ADGRG6: variants seen among roughly 807,000 people sequenced by gnomAD.
ADGRG6 encodes adhesion G protein-coupled receptor G6, also known as G-protein coupled receptor 126.
A neutral mutation model predicts 142.4 loss-of-function variants in ADGRG6; 84 were observed. The ratio of observed to expected loss-of-function variants is 0.59; its 90% CI spans 0.49 to 0.71. ADGRG6 has a LOEUF of 0.71. Among genes scored for constraint, ADGRG6 ranks in the 30% least tolerant of loss-of-function variants. ADGRG6 has a pLI of 0.00. For synonymous variants in ADGRG6, 521 were observed against 520.5 expected (o/e 1.00, Z -0.01); for missense variants, 1,367 against 1,466.6 (o/e 0.93, Z 1.11).
chr6:142,402,931 A>G (rs1583099617), intron 13 of ADGRG6, 101 bp downstream of exon 13: 3 of 632,914 alleles, frequency 4.7e-6, no homozygotes, highest in East Asian at 5.6e-5. Context: ...TCAGAATTCA[A>G]ATCTCTGCAA....
intron 2 of ADGRG6, among the ~76,000 whole-genome samples, chr6:142,365,769 G>A (rs761899758): frequency 2.6e-5 from 4 of 152,084 alleles, no homozygotes; most frequent in African/African-American, 4.8e-5. Context: ...AATACAAGGT[G>A]GCCAAAGAGA....
intron 2 of ADGRG6, among the ~76,000 whole-genome samples, chr6:142,312,525 G>C (rs904995671): frequency 6.6e-6 from 1 of 151,958 alleles, no homozygotes; most frequent in East Asian, 1.9e-4. Context: ...CAATAAAAAT[G>C]CGATTTATTT....
chr6:142,370,293 C>G lies in ADGRG6; in HGVS notation c.569C>G (p.Thr190Ser). Reference sequence around the variant, plus strand: ...GCTTTCACACTCTGCTTTGAAGCAACCAAAGTTGGCCATGAAGACAGTGAT... The same window carrying G: ...GCTTTCACACTCTGCTTTGAAGCAAGCAAAGTTGGCCATGAAGACAGTGAT... ...LSAFTLCFEA[T>S]KVGHEDSDWT... is the part of the protein sequence containing the mutation. Residue 190 changes from threonine (T) to serine (S), a missense_variant, in exon 4 of 25, where the codon ACC becomes AGC. Thr to Ser is a moderately conservative substitution (Grantham distance 58). Around this residue, in one of 3 missense-constraint regions of ADGRG6, gnomAD observed 737 missense variants for 746.5 expected, o/e 0.99. Transcript: ENST00000367609. 1.2e-6 allele frequency: 2 copies of G among 1,613,808 alleles called. No individual in the cohort carries two copies. The highest frequency in any genetic ancestry group is 1.7e-6 in the Non-Finnish European group (2 of 1,179,796).
intron 6 of ADGRG6, among the ~76,000 whole-genome samples, chr6:142,389,325 A>AT (rs1176618713): frequency 6.6e-6 from 1 of 151,862 alleles, no homozygotes; most frequent in Non-Finnish European, 1.5e-5. Flanking sequence ...GTATTTCTAT[A>AT]TTTTGTGTGC....
chr6:142,403,457 G>A (rs1453349554), intron 13 of ADGRG6, among the ~76,000 whole-genome samples: 2 of 151,818 alleles, frequency 1.3e-5, no homozygotes, highest in Non-Finnish European at 2.9e-5. Flanking sequence ...CACTTTTATC[G>A]CATTATTTCC....
rs1779936091 is a variant in ADGRG6, at chr6:142,347,036, A to AT, written c.104-20527dup. On this transcript the variant is annotated intron_variant, in intron 2 of 24. Transcript: ENST00000367609. ...ACTTTATATGTTTTTTTAAAAAGCC[A>AT]TTTTTTAGTCAAGTAAAAAAAAGAT... Among the ~76,000 whole-genome samples, 4 of 152,250 alleles carry AT rather than the reference A, an allele frequency of 2.6e-5. No homozygotes were observed. In the South Asian group the frequency reaches 8.3e-4, roughly 32 times the overall value.
chr6:142,418,751 C>T (rs529841665), intron 21 of ADGRG6, among the ~76,000 whole-genome samples: 3 of 152,102 alleles, frequency 2.0e-5, no homozygotes, highest in East Asian at 1.9e-4. Context: ...AGGTTATGTT[C>T]CAACATGGAA....
intron 2 of ADGRG6, among the ~76,000 whole-genome samples, chr6:142,313,318 T>G (rs1777861815): frequency 6.6e-6 from 1 of 152,056 alleles, no homozygotes; most frequent in African/African-American, 2.4e-5. Flanking sequence ...ATAACTTCTT[T>G]TTTGTGGCCT....
chr6:142,400,980 A>C (rs1377062514), intron 11 of ADGRG6, among the ~76,000 whole-genome samples: 2 of 152,170 alleles, frequency 1.3e-5, no homozygotes, highest in Non-Finnish European at 2.9e-5. Context: ...GGCAAAGAGG[A>C]AATGAAGACA....
intron 14 of ADGRG6, 92 bp from the exon 15 acceptor site, chr6:142,405,596 C>A (rs910339154): frequency 2.0e-6 from 2 of 1,021,056 alleles, no homozygotes; most frequent in Admixed American, 2.1e-5. Flanking sequence ...TTTGAACTTG[C>A]AATTGTTCAC....
chr6:142,426,068 T>G (rs1776926455), intron 22 of ADGRG6, among the ~76,000 whole-genome samples: 1 of 152,086 alleles, frequency 6.6e-6, no homozygotes, highest in Non-Finnish European at 1.5e-5. Context: ...CAAACCATAT[T>G]ATTCAACCCC....
In ADGRG6 at chr6:142,390,243, AT is replaced by A; in HGVS notation, c.1223-12del. The A allele has an allele frequency of 2.2e-6, 3 of 1,380,192 alleles. No homozygotes were observed. The highest frequency in any genetic ancestry group is 1.3e-5 in the South Asian group (1 of 78,668). The allele number at this position is 1,380,192 out of a possible 1,614,324, so 85.5% of individuals were successfully genotyped here. A position where few individuals can be genotyped will look rare whatever the true frequency, so the allele number is the denominator to read the frequency against. ...AACATATAATTAATGGACTAATCCT[AT>A]TTCCAATGGGCAGATGGAATTATCT... is the stretch of plus-strand genomic sequence containing the variant. On this transcript the variant is annotated splice_polypyrimidine_tract_variant and intron_variant, in intron 6 of 24. Transcript: ENST00000367609.
intron 2 of ADGRG6, among the ~76,000 whole-genome samples, chr6:142,352,322 A>T (rs1415336453): frequency 1.3e-5 from 2 of 152,214 alleles, no homozygotes; most frequent in African/African-American, 2.4e-5. Context: ...AGCAACATGG[A>T]TGTAGCTGGA....
At chr6:142,414,810 A>G (rs1776273628) in intron 18 of ADGRG6, among the ~76,000 whole-genome samples, 159 bp from the exon 19 acceptor site, 1 of 152,170 alleles carries the variant, frequency 6.6e-6, no homozygotes, top group African/African-American at 2.4e-5. Context: ...ATTGATCGAA[A>G]ATAATATAAT....
chr6:142,341,418 TA>T (rs1345956051), intron 2 of ADGRG6, among the ~76,000 whole-genome samples: 2 of 121,874 alleles, frequency 1.6e-5, no homozygotes, highest in African/African-American at 6.3e-5. Flanking sequence ...TTATATAATA[TA>T]ATTATATAAT....
At chr6:142,309,391 C>T (rs565432361) in intron 1 of ADGRG6, among the ~76,000 whole-genome samples, 153 bp from the exon 2 acceptor site, 2 of 151,922 alleles carry the variant, frequency 1.3e-5, no homozygotes, top group South Asian at 2.1e-4. Context: ...GTGATCAAGT[C>T]GTCATCATCT....
At chr6:142,415,710 A>G (rs904560504) in intron 19 of ADGRG6, 86 bp from the exon 20 acceptor site, 4 of 881,060 alleles carry the variant, frequency 4.5e-6, no homozygotes, top group Non-Finnish European at 7.2e-6. Context: ...GCAGGGTTGT[A>G]TAAGATACGA....
chr6:142,397,691 C>T lies in ADGRG6; in HGVS notation c.1503C>T (p.Leu501=), dbSNP rs552641243. ...NLEGKIIQQK[L]LKNNESLDEG... ...AAGGAAAAATCATTCAGCAGAAGCTCCTAAAAAATAATGAGTCCTTGGATG... is the reference window on the plus strand; with the variant it reads ...AAGGAAAAATCATTCAGCAGAAGCTTCTAAAAAATAATGAGTCCTTGGATG... The change falls in exon 10 of 25, where the codon CTC becomes CTT. Residue 501 remains leucine, a synonymous_variant. Transcript: ENST00000367609. The T allele has an allele frequency of 9.9e-6, 16 of 1,608,134 alleles. No individual in the cohort carries two copies. In the East Asian group the frequency reaches 3.4e-4, roughly 34 times the overall value.
At chr6:142,366,439 C>T (rs909578804) in intron 2 of ADGRG6, among the ~76,000 whole-genome samples, 5 of 152,196 alleles carry the variant, frequency 3.3e-5, no homozygotes, top group African/African-American at 9.7e-5. Flanking sequence ...TCCTTCACAT[C>T]ATTCAGTTGG....
Sources: allele counts gnomAD v4.1 joint callset (sites outside exome capture counted in the v4.1 genomes callset), GRCh38; gene constraint gnomAD v4.1.1; regional missense constraint gnomAD v4.1.1; transcripts MANE v1.5; gene names NCBI Gene and HGNC (gene_info 2026-07-23, HGNC 2026-07-21).